The following TRPC5OS variants were observed in gnomAD, a reference collection of about 807,000 sequenced individuals.
TRPC5OS encodes the protein TRPC5 opposite strand, also known as putative uncharacterized protein TRPC5OS.
For missense variants in TRPC5OS, 64 were observed against 79.3 expected (o/e 0.81, Z 0.73); for synonymous variants, 30 against 29.3 (o/e 1.02, Z -0.08).
chrX:111,901,703 T>C lies in TRPC5OS; in HGVS notation c.-147T>C, dbSNP rs150422656. On this transcript the variant is annotated 5_prime_UTR_variant, in exon 4 of 4. Transcript: ENST00000635763. ...TCTACTGTTCTCATTCTTTACTTGA[T>C]CACCATCATAATCATATCAACATCC... 1.7e-5 allele frequency: 7 copies of C among 413,192 alleles called. No homozygotes were observed. The highest frequency in any genetic ancestry group is 2.4e-5 in the Non-Finnish European group (6 of 246,492). 34.1% of individuals were successfully genotyped at this position (413,192 alleles called of 1,213,427 possible). A position where few individuals can be genotyped will look rare whatever the true frequency, so the allele number is the denominator to read the frequency against.
chrX:111,901,285 C>T (rs1275171163), intron 3 of TRPC5OS, among the ~76,000 whole-genome samples: 1 of 110,985 alleles, frequency 9.0e-6, no homozygotes, highest in Non-Finnish European at 1.9e-5. Flanking sequence ...AAAAGAGATG[C>T]TCAAGAAAGA....
intron 1 of TRPC5OS, among the ~76,000 whole-genome samples, chrX:111,889,275 T>C (rs1424859696): frequency 9.0e-6 from 1 of 110,987 alleles, no homozygotes; most frequent in Non-Finnish European, 1.9e-5. Context: ...CAGAAGTCAT[T>C]GGTGACTTTA....
Position 111,891,509 on chromosome X carries a change from A to G in TRPC5OS, c.-545-4442A>G, listed in dbSNP as rs201272327. 4.5e-5 allele frequency among the ~76,000 whole-genome samples: 5 copies of G among 111,801 alleles called. No homozygotes were observed. In the East Asian group the frequency reaches 1.4e-3, roughly 31 times the overall value. On this transcript the variant is annotated intron_variant, in intron 1 of 3. Coordinates refer to ENST00000635763, the MANE Select transcript of TRPC5OS (RefSeq NM_001195578.2). ...TCATATCCTCAATTGTAAAATAGGT[A>G]TAATCCTTGCTACACAGGATTATTT...
rs982031339 is a variant in TRPC5OS, at chrX:111,902,982, C to T, written c.*797C>T. 4 of 111,918 alleles carry T rather than the reference C, an allele frequency of 3.6e-5. No individual in the cohort carries two copies. The highest frequency in any genetic ancestry group is 1.3e-4 in the African/African-American group (4 of 30,841). 9.2% of individuals were successfully genotyped at this position (111,918 alleles called of 1,213,427 possible). A position where few individuals can be genotyped will look rare whatever the true frequency, so the allele number is the denominator to read the frequency against. ...CAAGGACTATTCACCAATGGAAAGA[C>T]AAACACTCACCATATTGGACTAAAT... On this transcript the variant is annotated 3_prime_UTR_variant, in exon 4 of 4. Coordinates refer to ENST00000635763, the MANE Select transcript of TRPC5OS (RefSeq NM_001195578.2).
At chrX:111,901,295 A>G (rs773532718) in intron 3 of TRPC5OS, among the ~76,000 whole-genome samples, 173 of 111,274 alleles carry the variant, frequency 1.6e-3, no homozygotes, top group African/African-American at 5.4e-3. Flanking sequence ...CTCAAGAAAG[A>G]CAGACAAACT....
At chrX:111,890,263 G>A (rs1924736836) in intron 1 of TRPC5OS, among the ~76,000 whole-genome samples, 1 of 111,901 alleles carries the variant, frequency 8.9e-6, no homozygotes, top group Non-Finnish European at 1.9e-5. Context: ...TGTGGCCCAG[G>A]ACAGCTTTGA....
intron 1 of TRPC5OS, among the ~76,000 whole-genome samples, chrX:111,887,584 C>T (rs929868025): frequency 1.8e-5 from 2 of 111,876 alleles, no homozygotes; most frequent in African/African-American, 3.3e-5. Flanking sequence ...TAGAATAGCT[C>T]TTGGGTAGAT....
At chrX:111,889,062 T>C (rs1207294700) in intron 1 of TRPC5OS, among the ~76,000 whole-genome samples, 2 of 112,052 alleles carry the variant, frequency 1.8e-5, no homozygotes, top group African/African-American at 6.5e-5. Context: ...TAAACAAGTA[T>C]GAGATTTTGG....
In TRPC5OS at chrX:111,901,782, A is replaced by G; in HGVS notation, c.-68A>G. ...CCATTGTTAGCCCCTTATACTATCC[A>G]TTGTCACCAAGAGTCCATTTGCTAG... On this transcript the variant is annotated 5_prime_UTR_variant, in exon 4 of 4. Transcript: ENST00000635763. 1.1e-6 allele frequency: 1 copy of G among 900,053 alleles called. No individual in the cohort carries two copies. The highest frequency in any genetic ancestry group is 2.7e-5 in the South Asian group (1 of 37,054). 74.2% of individuals were successfully genotyped at this position (900,053 alleles called of 1,213,427 possible). A position where few individuals can be genotyped will look rare whatever the true frequency, so the allele number is the denominator to read the frequency against.
At chrX:111,894,366 A>C (rs2148609332) in intron 1 of TRPC5OS, among the ~76,000 whole-genome samples, 1 of 112,058 alleles carries the variant, frequency 8.9e-6, no homozygotes, top group South Asian at 3.8e-4. Context: ...ACTTTTGATT[A>C]GTTGTGCAGA....
intron 1 of TRPC5OS, among the ~76,000 whole-genome samples, chrX:111,878,338 G>T (rs1924056114): frequency 9.0e-6 from 1 of 111,265 alleles, no homozygotes; most frequent in Admixed American, 9.5e-5. Flanking sequence ...AGTGATAAGT[G>T]ATATACTGCA....
chrX:111,879,141 G>A (rs749756574), intron 1 of TRPC5OS, among the ~76,000 whole-genome samples: 2 of 112,255 alleles, frequency 1.8e-5, no homozygotes, highest in East Asian at 2.8e-4. Context: ...TCTTTTCAAA[G>A]CATCTTTCAA....
At chrX:111,885,988 G>GT (rs199615587) in intron 1 of TRPC5OS, among the ~76,000 whole-genome samples, 14 of 111,567 alleles carry the variant, frequency 1.3e-4, no homozygotes, top group Admixed American at 2.8e-4. Context: ...TAAAAATAAT[G>GT]TTTTTTTTCT....
At chrX:111,901,456 A>T (rs1235960643) in intron 3 of TRPC5OS, 84 bp from the exon 4 acceptor site, 1 of 115,390 alleles carries the variant, frequency 8.7e-6, no homozygotes, top group Non-Finnish European at 1.8e-5. Flanking sequence ...GCAATTCTTG[A>T]TAGGGGTAAC....
At chrX:111,901,036 G>C (rs1300106741) in intron 3 of TRPC5OS, among the ~76,000 whole-genome samples, 1 of 111,352 alleles carries the variant, frequency 9.0e-6, no homozygotes, top group Non-Finnish European at 1.9e-5. Context: ...ATGGAAGTGG[G>C]GCAGTAATAG....
At chrX:111,894,087 A>T (rs752127744) in intron 1 of TRPC5OS, among the ~76,000 whole-genome samples, 2 of 111,555 alleles carry the variant, frequency 1.8e-5, no homozygotes, top group East Asian at 5.6e-4. Flanking sequence ...TATGGAAAAA[A>T]ATTTTCCTGT....
chrX:111,888,693 C>CAAAAAAAAAAAAAAAAAA (rs753735549), intron 1 of TRPC5OS, among the ~76,000 whole-genome samples: 1 of 10,983 alleles, frequency 9.1e-5, no homozygotes, highest in African/African-American at 2.2e-4. Flanking sequence ...GACTCTATCT[C>CAAAAAAAAAAAAAAAAAA]AAAAAAAAAA....
Position 111,902,175 on chromosome X carries a change from C to A in TRPC5OS, c.326C>A (p.Thr109Lys). The A allele has an allele frequency of 2.7e-6, 3 of 1,121,478 alleles. No individual in the cohort carries two copies. The highest frequency in any genetic ancestry group is 3.5e-6 in the Non-Finnish European group (3 of 855,747). The allele number at this position is 1,121,478 out of a possible 1,213,427, so 92.4% of individuals were successfully genotyped here. A position where few individuals can be genotyped will look rare whatever the true frequency, so the allele number is the denominator to read the frequency against. ...DTVSGINDDL[T>K]GD ...GTCTCTGGTATAAATGATGACTTAA[C>A]AGGTGACTAAGACCCAATTTCTGCC... is the stretch of plus-strand genomic sequence containing the variant. Residue 109 changes from threonine (T) to lysine (K), a missense_variant, in exon 4 of 4, where the codon ACA becomes AAA. Coordinates refer to ENST00000635763, the MANE Select transcript of TRPC5OS (RefSeq NM_001195578.2).
chrX:111,894,523 G>A (rs768736470), intron 1 of TRPC5OS, among the ~76,000 whole-genome samples: 1 of 111,146 alleles, frequency 9.0e-6, no homozygotes, highest in South Asian at 3.9e-4. Flanking sequence ...TTAAAAACTC[G>A]GCCTAGCTAT....
Sources: gnomAD v4.1 joint callset for allele counts (sites outside exome capture counted in the v4.1 genomes callset) on GRCh38, gnomAD v4.1.1 for gene constraint, MANE v1.5 for transcripts, NCBI Gene and HGNC (gene_info 2026-07-23, HGNC 2026-07-21) for gene names.